PLXNA1: variants seen among roughly 807,000 people sequenced by gnomAD.
PLXNA1 encodes plexin A1, also known as plexin-A1.
Under a neutral mutation model 191.7 loss-of-function variants are expected in PLXNA1, and 77 were observed. The observed-to-expected ratio is 0.40, with a 90% CI of 0.33 to 0.49. The LOEUF is 0.49. Ranked by LOEUF, PLXNA1 falls within the 20% of genes least tolerant of loss-of-function variation. The pLI is 0.63. For synonymous variants in PLXNA1, 1,137 were observed against 1,156.4 expected, an observed-to-expected ratio of 0.98 and a Z score of 0.34; for missense variants, 2,110 against 2,660.2, an observed-to-expected ratio of 0.79 and a Z score of 4.55.
chr3:127,032,594 G>A lies in PLXNA1; in HGVS notation c.5439G>A (p.Val1813=), dbSNP rs1472328490. The A allele has an allele frequency of 8.7e-6, 14 of 1,613,480 alleles. No homozygotes were observed. The highest frequency in any genetic ancestry group is 1.2e-5 in the Non-Finnish European group (14 of 1,179,854). The part of the protein sequence containing the change: ...AKDIPNYKSW[V]ERYYADIAKM... ...ACATCCCCAACTACAAGAGCTGGGT[G>A]GAGAGGTAGGTGGAGGGTGCAGGGG... Residue 1813 remains valine, a synonymous_variant, in exon 30 of 32, where the codon GTG becomes GTA. Transcript: ENST00000393409.
At chr3:127,027,051 T>A (rs2079179741) in intron 23 of PLXNA1, 1 of 164,004 alleles carries the variant, frequency 6.1e-6, no homozygotes, top group Admixed American at 5.6e-5. Context: ...CACAGGATCC[T>A]TCAGAGAACG....
At chr3:127,018,580 C>G (rs560110955) in intron 20 of PLXNA1, 52 bp downstream of exon 20, 1 of 1,434,326 alleles carries the variant, frequency 7.0e-7, no homozygotes, top group South Asian at 1.2e-5. Context: ...GAGCCAGGCC[C>G]TGGCCTGTCC....
chr3:127,029,690 T>C (rs1481138314), intron 27 of PLXNA1, among the ~76,000 whole-genome samples, 154 bp downstream of exon 27: 2 of 152,330 alleles, frequency 1.3e-5, no homozygotes, highest in African/African-American at 4.8e-5. Context: ...CCTCCAGCTC[T>C]GGAGGCTGCG....
rs978150723 is a variant in PLXNA1, at chr3:126,989,113, A to T, written c.520A>T (p.Ile174Phe). The T allele has an allele frequency of 3.7e-6, 6 of 1,612,958 alleles. No homozygotes were observed. In the Admixed American group the frequency reaches 8.3e-5, roughly 22 times the overall value. Residue 174 changes from isoleucine (I) to phenylalanine (F), a missense_variant, in exon 2 of 32, where the codon ATT becomes TTT. Ile to Phe is a conservative substitution (Grantham distance 21). Transcript: ENST00000393409. ...GGCAGGCAGCATGGCGGGCGTGCTC[A>T]TTGCCGGGCCACCGGGCCAGGGCCA... Reference protein sequence around the residue: ...QEAGSMAGVLIAGPPGQGQAK... With the variant: ...QEAGSMAGVLFAGPPGQGQAK...
At chr3:127,031,930 G>A in intron 29 of PLXNA1, 1 of 183,512 alleles carries the variant, frequency 5.4e-6, no homozygotes, top group East Asian at 1.5e-4. Flanking sequence ...GGCCAGTGCT[G>A]CCAGGCAGCC....
At chr3:127,025,312 G>A (rs1346480655) in intron 23 of PLXNA1, among the ~76,000 whole-genome samples, 1 of 152,248 alleles carries the variant, frequency 6.6e-6, no homozygotes, top group East Asian at 1.9e-4. Context: ...TAGTGGAATC[G>A]TGCACTGTTA....
rs2079155417 is a variant in PLXNA1 at position 127,022,240 on chromosome 3, G to C, written c.4194G>C (p.Gln1398His). ...NVASLIMTAL[Q>H]GEMEYATGVL... ...CCTCGCTCATCATGACGGCCCTGCAGGGCGAGATGGAATACGCCACAGGCG... is the reference window on the plus strand; with the variant it reads ...CCTCGCTCATCATGACGGCCCTGCACGGCGAGATGGAATACGCCACAGGCG... The change falls in exon 22 of 32, where the codon CAG (glutamine) becomes CAC (histidine). Residue 1398 changes from glutamine (Q) to histidine (H), a missense_variant. By Grantham distance (24) the Gln-to-His change is conservative (BLOSUM62 0). Transcript: ENST00000393409. The C allele has an allele frequency of 6.2e-7, 1 of 1,613,524 alleles. No individual in the cohort carries two copies. Among genetic ancestry groups the C allele is most frequent in the Non-Finnish European group, 8.5e-7 (1 of 1,180,010 alleles).
intron 9 of PLXNA1, 96 bp downstream of exon 9, chr3:127,008,009 G>T: frequency 1.3e-6 from 1 of 766,338 alleles, no homozygotes; most frequent in East Asian, 2.7e-5. Flanking sequence ...CTGGCCCAGG[G>T]AGCACCTGTG....
rs1007788244 is a variant in PLXNA1 at position 127,034,240 on chromosome 3, T to C, written c.*223T>C. 2 of 497,580 alleles carry C rather than the reference T, an allele frequency of 4.0e-6. No homozygotes were observed. Among genetic ancestry groups the C allele is most frequent in the Non-Finnish European group, 7.2e-6 (2 of 278,002 alleles). The allele number at this position is 497,580 out of a possible 1,614,324, so 30.8% of individuals were successfully genotyped here. ...CACAGCTGCGCACACAGCTGCTTGCTCAGGGGCCGGGACAGCACTGGGTGC... is the reference window on the plus strand; with the variant it reads ...CACAGCTGCGCACACAGCTGCTTGCCCAGGGGCCGGGACAGCACTGGGTGC... On this transcript the variant is annotated 3_prime_UTR_variant, in exon 32 of 32. Transcript: ENST00000393409.
At chr3:127,014,874 TGA>T in intron 14 of PLXNA1, 43 bp downstream of exon 14, 2 of 1,595,352 alleles carry the variant, frequency 1.3e-6, no homozygotes, top group Non-Finnish European at 1.7e-6. Context: ...TCTGCTGCTC[TGA>T]GAGGGTGCCG....
In PLXNA1 at chr3:127,012,405, T is replaced by A. The variant is rs9809807; in HGVS notation, c.2313+247T>A. Among the ~76,000 whole-genome samples, 17,308 of 152,212 alleles carry A rather than the reference T, an allele frequency of 0.11. 1,081 individuals are homozygous for A. The highest frequency in any genetic ancestry group is 0.22 in the South Asian group (1,042 of 4,816). ...CCTGGTAGCTGCTGAGAGCACCCAG[T>A]TGTGTGGTGGGAGCAGCCTGAATGT... On this transcript the variant is annotated intron_variant, in intron 10 of 31. Transcript: ENST00000393409.
chr3:127,008,286 C>T (rs57926598), intron 9 of PLXNA1, among the ~76,000 whole-genome samples: 101 of 152,170 alleles, frequency 6.6e-4, no homozygotes, highest in African/African-American at 1.8e-3. Context: ...AAAGCAGGTG[C>T]GGGCAGAGCC....
chr3:126,989,733 G>A lies in PLXNA1; in HGVS notation c.1140G>A (p.Glu380=). The A allele has an allele frequency of 6.2e-7, 1 of 1,612,972 alleles. No individual in the cohort carries two copies. Among genetic ancestry groups the A allele is most frequent in the Non-Finnish European group, 8.5e-7 (1 of 1,179,948 alleles). ...GCATCCAGTCCTGCTACCGTGGTGA[G>A]GGCAAGCTCTCCCTGCCGTGGCTGC... is the stretch of plus-strand genomic sequence containing the variant. ...KERIQSCYRG[E]GKLSLPWLLN... is the part of the protein sequence containing the mutation. Residue 380 remains glutamate, a synonymous_variant, in exon 2 of 32, where the codon GAG becomes GAA. Transcript: ENST00000393409.
chr3:127,035,409 TG>T lies in PLXNA1; in HGVS notation c.*1393del, dbSNP rs1302840954. On this transcript the variant is annotated 3_prime_UTR_variant, in exon 32 of 32. Coordinates refer to ENST00000393409, the MANE Select transcript of PLXNA1 (RefSeq NM_032242.4). ...GAGCCTCCCTGGAGTGGAGCAGCCC[TG>T]AAGCCTGTGCCCCCCGACCTGCGGG... The T allele has an allele frequency of 1.3e-5, 2 of 152,280 alleles. No homozygotes were observed. The highest frequency in any genetic ancestry group is 4.8e-5 in the African/African-American group (2 of 41,440). The allele number at this position is 152,280 out of a possible 1,614,324, so 9.4% of individuals were successfully genotyped here.
chr3:126,991,152 G>T (rs1559953595), intron 2 of PLXNA1, among the ~76,000 whole-genome samples: 1 of 152,202 alleles, frequency 6.6e-6, no homozygotes, highest in African/African-American at 2.4e-5. Flanking sequence ...AGCTGCTCCG[G>T]AACCTCAAGC....
At chr3:126,983,491 C>T (rs1169833658) in intron 1 of PLXNA1, among the ~76,000 whole-genome samples, 1 of 146,230 alleles carries the variant, frequency 6.8e-6, no homozygotes, top group Admixed American at 6.8e-5. Flanking sequence ...CCGCGTGTCC[C>T]TGCGGCTCCG....
At chr3:126,992,919 G>A (rs1269242730) in intron 3 of PLXNA1, among the ~76,000 whole-genome samples, 1 of 152,196 alleles carries the variant, frequency 6.6e-6, no homozygotes, top group East Asian at 1.9e-4. Flanking sequence ...CGAGCGCATG[G>A]GGTGGGTGTT....
chr3:127,030,012 G>A lies in PLXNA1; in HGVS notation c.5009G>A (p.Arg1670His), dbSNP rs768445451. 25 of 1,613,584 alleles carry A rather than the reference G, an allele frequency of 1.5e-5. No homozygotes were observed. The highest frequency in any genetic ancestry group is 2.2e-5 in the South Asian group (2 of 91,082). Residue 1670 changes from arginine (R) to histidine (H), a missense_variant, in exon 28 of 32, where the codon CGC (arginine) becomes CAC (histidine). Arg to His is a conservative substitution (Grantham distance 29). This residue lies in a region of PLXNA1 where 559 missense variants were observed against 911.5 expected (regional missense o/e 0.61). Coordinates refer to ENST00000393409, the MANE Select transcript of PLXNA1 (RefSeq NM_032242.4). ...CACCTGGACCAGCGTGAGGGTGACC[G>A]CGGCAGCAAGATGGTCTCGGAGATC... is the stretch of plus-strand genomic sequence containing the variant. ...HDHLDQREGD[R>H]GSKMVSEIYL... is the part of the protein sequence containing the mutation.
intron 9 of PLXNA1, among the ~76,000 whole-genome samples, chr3:127,011,681 A>G (rs2079096290): frequency 1.3e-5 from 2 of 152,154 alleles, no homozygotes; most frequent in African/African-American, 2.4e-5. Flanking sequence ...GGGCCTTTTC[A>G]GCTGCTGGCC....
Sources: gnomAD v4.1 joint callset for allele counts (sites outside exome capture counted in the v4.1 genomes callset) on GRCh38, gnomAD v4.1.1 for gene constraint, gnomAD v4.1.1 regional missense constraint, MANE v1.5 for transcripts, NCBI Gene and HGNC (gene_info 2026-07-23, HGNC 2026-07-21) for gene names.